KCNH8: variants seen among roughly 807,000 people sequenced by gnomAD.
KCNH8 encodes the protein potassium voltage-gated channel subfamily H member 8, also known as voltage-gated delayed rectifier potassium channel KCNH8.
KCNH8 carries 70 observed loss-of-function variants against 103.6 expected under a neutral mutation model. That is an observed-to-expected ratio of 0.68 (90% confidence interval 0.56 to 0.82). The LOEUF (loss-of-function observed/expected upper bound fraction) is 0.82. Ranked by LOEUF, KCNH8 falls within the 40% of genes least tolerant of loss-of-function variation. The probability of loss-of-function intolerance (pLI) is 0.00; values close to 1 mark genes in which losing one functional copy is unlikely to be tolerated. For synonymous variants in KCNH8, 498 were observed against 489.4 expected, an observed-to-expected ratio of 1.02 and a Z score of -0.23; for missense variants, 1,217 against 1,329.9, an observed-to-expected ratio of 0.92 and a Z score of 1.32.
chr3:19,403,915 T>G (rs1021470836), intron 7 of KCNH8, among the ~76,000 whole-genome samples: 2 of 151,878 alleles, frequency 1.3e-5, no homozygotes, highest in African/African-American at 2.4e-5. Context: ...TAGTATGTTT[T>G]ACATTATGCC....
intron 1 of KCNH8, among the ~76,000 whole-genome samples, chr3:19,247,969 T>C (rs994128780): frequency 2.5e-4 from 38 of 152,188 alleles, no homozygotes; most frequent in African/African-American, 9.7e-5. Flanking sequence ...ACCTAAATTA[T>C]GTAGTAGTAT....
chr3:19,377,476 A>T (rs535030148), intron 5 of KCNH8, among the ~76,000 whole-genome samples: 1 of 152,214 alleles, frequency 6.6e-6, no homozygotes. Context: ...TTTATCCAAT[A>T]TATTTATGCT....
intron 1 of KCNH8, among the ~76,000 whole-genome samples, chr3:19,236,407 C>T (rs2064065901): frequency 6.6e-6 from 1 of 152,142 alleles, no homozygotes; most frequent in South Asian, 2.1e-4. Context: ...CCTCCCTTCT[C>T]CAGCCTGTTA....
chr3:19,461,669 G>A (rs562154729), intron 11 of KCNH8, among the ~76,000 whole-genome samples: 1 of 152,116 alleles, frequency 6.6e-6, no homozygotes, highest in South Asian at 2.1e-4. Flanking sequence ...CATGTTTTTT[G>A]TTTCTTTGTT....
chr3:19,154,261 G>A (rs2063158927), intron 1 of KCNH8, among the ~76,000 whole-genome samples: 2 of 152,112 alleles, frequency 1.3e-5, no homozygotes, highest in Admixed American at 6.6e-5. Context: ...TACAGTACTT[G>A]TCATTGAGGC....
At chr3:19,372,163 C>G (rs2066109027) in intron 5 of KCNH8, among the ~76,000 whole-genome samples, 1 of 152,116 alleles carries the variant, frequency 6.6e-6, no homozygotes, top group Admixed American at 6.6e-5. Context: ...TCATTGGTAG[C>G]TTGATGTGGA....
intron 3 of KCNH8, among the ~76,000 whole-genome samples, chr3:19,301,230 T>C (rs572430118): frequency 4.6e-5 from 7 of 151,690 alleles, no homozygotes; most frequent in Non-Finnish European, 8.8e-5. Flanking sequence ...AAATAATATA[T>C]ATGTAATATC....
chr3:19,332,801 T>G (rs541932905), intron 3 of KCNH8, among the ~76,000 whole-genome samples: 39 of 152,006 alleles, frequency 2.6e-4, no homozygotes, highest in African/African-American at 9.4e-4. Flanking sequence ...CCCAGCTAAT[T>G]TTTGTATTTT....
intron 11 of KCNH8, among the ~76,000 whole-genome samples, chr3:19,477,756 C>T (rs1167800662): frequency 1.3e-5 from 2 of 152,138 alleles, no homozygotes; most frequent in African/African-American, 4.8e-5. Flanking sequence ...TTATCAAATA[C>T]ATCTTCTTCT....
At chr3:19,417,276 G>C (rs1001262395) in intron 7 of KCNH8, among the ~76,000 whole-genome samples, 2 of 150,398 alleles carry the variant, frequency 1.3e-5, no homozygotes, top group African/African-American at 2.4e-5. Context: ...TATCAGAAGG[G>C]CTTGCACATT....
chr3:19,251,912 TA>T (rs1168323804), intron 1 of KCNH8, among the ~76,000 whole-genome samples: 1 of 152,200 alleles, frequency 6.6e-6, no homozygotes, highest in Non-Finnish European at 1.5e-5. Flanking sequence ...TTATTTCAGA[TA>T]AATAGCTCAT....
intron 5 of KCNH8, among the ~76,000 whole-genome samples, chr3:19,386,992 T>C (rs1430897657): frequency 1.3e-5 from 2 of 152,124 alleles, no homozygotes; most frequent in Non-Finnish European, 2.9e-5. Context: ...TCAAAGAACT[T>C]GTACTTGCCA....
intron 1 of KCNH8, among the ~76,000 whole-genome samples, chr3:19,205,169 T>C (rs548538227): frequency 1.3e-5 from 2 of 152,152 alleles, no homozygotes; most frequent in South Asian, 4.1e-4. Flanking sequence ...ACTCACTCTT[T>C]CATATATCTA....
At chr3:19,179,129 G>A (rs1267982768) in intron 1 of KCNH8, among the ~76,000 whole-genome samples, 2 of 151,970 alleles carry the variant, frequency 1.3e-5, no homozygotes, top group South Asian at 2.1e-4. Context: ...TTTAGTTTTT[G>A]TAGAGAATTT....
At chr3:19,474,432 CG>C (rs1559344908) in intron 11 of KCNH8, among the ~76,000 whole-genome samples, 2 of 152,026 alleles carry the variant, frequency 1.3e-5, no homozygotes, top group African/African-American at 4.8e-5. Flanking sequence ...GCCAAAAGAG[CG>C]GCAGCTTTGA....
chr3:19,481,921 G>A (rs1200366759), intron 11 of KCNH8, among the ~76,000 whole-genome samples: 1 of 152,192 alleles, frequency 6.6e-6, no homozygotes, highest in Admixed American at 6.5e-5. Flanking sequence ...GCAGCAGGAT[G>A]AGCCACAGAC....
intron 8 of KCNH8, chr3:19,449,031 A>AC: frequency 2.6e-6 from 3 of 1,175,102 alleles, no homozygotes; most frequent in East Asian, 1.2e-4. Flanking sequence ...AAATCCTGTC[A>AC]TACCTTCTCT....
chr3:19,390,466 T>G lies in KCNH8; in HGVS notation c.812-15T>G. The stretch of plus-strand genomic sequence containing the variant: ...TCTCTTCCTTTTATTTCTCAACCTT[T>G]TTTTTCCCAAGCAGATATTATTTTA... On this transcript the variant is annotated splice_polypyrimidine_tract_variant and intron_variant, in intron 5 of 15. Transcript: ENST00000328405. 1 of 1,595,582 alleles carries G rather than the reference T, an allele frequency of 6.3e-7. No homozygotes were observed. Among genetic ancestry groups the G allele is most frequent in the Non-Finnish European group, 8.6e-7 (1 of 1,167,956 alleles).
At chr3:19,165,306 A>G (rs1179616188) in intron 1 of KCNH8, among the ~76,000 whole-genome samples, 1 of 152,174 alleles carries the variant, frequency 6.6e-6, no homozygotes, top group Non-Finnish European at 1.5e-5. Flanking sequence ...TCTGCATTCA[A>G]TTTTCTCAAC....
Sources: gnomAD v4.1 joint callset for allele counts (sites outside exome capture counted in the v4.1 genomes callset) on GRCh38, gnomAD v4.1.1 for gene constraint, MANE v1.5 for transcripts, NCBI Gene and HGNC (gene_info 2026-07-23, HGNC 2026-07-21) for gene names.